SPRED2: variants seen among roughly 807,000 people sequenced by gnomAD.
SPRED2 encodes sprouty related EVH1 domain containing 2.
A neutral mutation model predicts 43.0 loss-of-function variants in SPRED2; 47 were observed. The ratio of observed to expected loss-of-function variants is 1.09; its 90% CI spans 0.87 to 1.40. The LOEUF (loss-of-function observed/expected upper bound fraction) is 1.40, where lower values mean the gene tolerates loss of function less well. SPRED2 is among the 40% of genes most tolerant of loss of function. SPRED2 has a pLI of 0.00. For missense variants in SPRED2, 561 were observed against 586.4 expected (o/e 0.96, Z 0.45); for synonymous variants, 225 against 225.7 (o/e 1.00, Z 0.03).
At chr2:65,308,298 C>T (rs1672982950), downstream of SPRED2, 30 of 985,440 alleles carry the variant, frequency 3.0e-5, no homozygotes, top group Non-Finnish European at 3.6e-5. Context: ...CAAAACCGCT[C>T]CCACAGAGGC....
At chr2:65,354,329 T>C (rs1674587252) in intron 1 of SPRED2, among the ~76,000 whole-genome samples, 1 of 152,222 alleles carries the variant, frequency 6.6e-6, no homozygotes. Context: ...ACCCACGGCA[T>C]TAGCAATGCC....
chr2:65,404,297 C>A (rs1386987596), intron 1 of SPRED2, among the ~76,000 whole-genome samples: 1 of 151,962 alleles, frequency 6.6e-6, no homozygotes, highest in Non-Finnish European at 1.5e-5. Context: ...AGGCAGGCAA[C>A]CATGTTAAAT....
intron 1 of SPRED2, among the ~76,000 whole-genome samples, chr2:65,398,217 CATCTT>C (rs1675802509): frequency 1.3e-5 from 2 of 152,218 alleles, no homozygotes; most frequent in Admixed American, 1.3e-4. Context: ...CCTCATCTCT[CATCTT>C]ATACAAAAAT....
chr2:65,378,346 A>G (rs1181827543), intron 1 of SPRED2, among the ~76,000 whole-genome samples: 2 of 152,206 alleles, frequency 1.3e-5, no homozygotes, highest in African/African-American at 4.8e-5. Flanking sequence ...TCTTGTTTTA[A>G]AGTCCTTATC....
At chr2:65,359,284 C>G (rs1013214604) in intron 1 of SPRED2, among the ~76,000 whole-genome samples, 1 of 152,178 alleles carries the variant, frequency 6.6e-6, no homozygotes, top group Non-Finnish European at 1.5e-5. Flanking sequence ...ATGTTACTTT[C>G]CTGACATAAA....
chr2:65,322,292 A>ATTT (rs1490204181), intron 4 of SPRED2, among the ~76,000 whole-genome samples: 953 of 70,778 alleles, frequency 0.013, 74 homozygotes, highest in Non-Finnish European at 0.016. Context: ...ATATATATAT[A>ATTT]TATTTTTTTT....
At chr2:65,416,196 T>C (rs973911192) in intron 1 of SPRED2, among the ~76,000 whole-genome samples, 4 of 152,244 alleles carry the variant, frequency 2.6e-5, no homozygotes, top group African/African-American at 9.6e-5. Context: ...TCAATCGGTC[T>C]ACGGATGAGA....
chr2:65,331,892 C>A, intron 4 of SPRED2, 95 bp downstream of exon 4: 1 of 905,866 alleles, frequency 1.1e-6, no homozygotes, highest in South Asian at 1.6e-5. Context: ...CAACAGCAAA[C>A]ACTGCATTGC....
chr2:65,336,359 C>G (rs1162148835), intron 2 of SPRED2, among the ~76,000 whole-genome samples: 1 of 151,686 alleles, frequency 6.6e-6, no homozygotes, highest in South Asian at 2.1e-4. Context: ...TCTGTCTCAA[C>G]AAAAGGAAAA....
Position 65,334,717 on chromosome 2 carries a change from C to T in SPRED2, c.261G>A (p.Thr87=), listed in dbSNP as rs182454530. 47 of 1,614,208 alleles carry T rather than the reference C, an allele frequency of 2.9e-5. No individual in the cohort carries two copies. The East Asian group carries it at 4.5e-4, about 15-fold the overall frequency. The change falls in exon 3 of 6, where the codon ACG becomes ACA. Residue 87 remains threonine, a synonymous_variant. Transcript: ENST00000356388. ...TATTATCGACCTTCCAGTGATGAAA[C>T]GTTGGATTGGCTTTGGTGTAGACCA... The part of the protein sequence containing the change: ...KDLVYTKANP[T]FHHWKVDNRK...
intron 1 of SPRED2, among the ~76,000 whole-genome samples, chr2:65,387,067 T>C (rs1675519362): frequency 6.6e-6 from 1 of 151,876 alleles, no homozygotes; most frequent in African/African-American, 2.4e-5. Context: ...CCTAAATGTC[T>C]AAAACCCCAA....
At chr2:65,384,287 C>G (rs1675441793) in intron 1 of SPRED2, among the ~76,000 whole-genome samples, 1 of 152,050 alleles carries the variant, frequency 6.6e-6, no homozygotes, top group African/African-American at 2.4e-5. Flanking sequence ...TTTCTCCCAA[C>G]CCTGTCAGCA....
intron 1 of SPRED2, among the ~76,000 whole-genome samples, chr2:65,359,756 C>T (rs1490300165): frequency 3.3e-5 from 5 of 151,920 alleles, no homozygotes; most frequent in East Asian, 1.9e-4. Context: ...GGTGAAGCCC[C>T]GTCTCTACCA....
rs1558666423 is a variant in SPRED2, at chr2:65,356,530, TTCCCTC to T, written c.27-11640_27-11635del. Among the ~76,000 whole-genome samples, 48 of 101,056 alleles carry T rather than the reference TTCCCTC, an allele frequency of 4.7e-4. 1 individual carries two copies. In the South Asian group the frequency reaches 0.014, roughly 29 times the overall value. The allele number at this position is 101,056 out of a possible 152,430, so 66.3% of individuals were successfully genotyped here. ...TGCTATTTAGAGTGCAGTTCCCCAG[TTCCCTC>T]TTTTTTTTTTTTTTTTTTTTTTGTG... On this transcript the variant is annotated intron_variant, in intron 1 of 5. Transcript: ENST00000356388.
At chr2:65,360,638 AC>A (rs1674788190) in intron 1 of SPRED2, among the ~76,000 whole-genome samples, 1 of 152,214 alleles carries the variant, frequency 6.6e-6, no homozygotes, top group African/African-American at 2.4e-5. Context: ...AGTCCTAGAA[AC>A]AAAAAGGAGA....
intron 1 of SPRED2, among the ~76,000 whole-genome samples, chr2:65,420,687 A>T (rs960157560): frequency 6.6e-5 from 10 of 152,328 alleles, no homozygotes; most frequent in Admixed American, 5.9e-4. Flanking sequence ...AATAGTCTTG[A>T]CATTCATTTC....
intron 1 of SPRED2, among the ~76,000 whole-genome samples, chr2:65,374,735 G>C (rs1441707505): frequency 6.6e-6 from 1 of 152,246 alleles, no homozygotes; most frequent in Non-Finnish European, 1.5e-5. Flanking sequence ...GGCCAGTGAA[G>C]GTGAGTCAGG....
chr2:65,330,515 G>A (rs932185771), intron 4 of SPRED2, among the ~76,000 whole-genome samples: 1 of 151,874 alleles, frequency 6.6e-6, no homozygotes, highest in Admixed American at 6.6e-5. Context: ...CAGCAAAACC[G>A]AGTGGAAAGT....
At chr2:65,308,185 C>G, downstream of SPRED2, 3 of 550,830 alleles carry the variant, frequency 5.4e-6, no homozygotes, top group Non-Finnish European at 6.9e-6. Flanking sequence ...GGAGGCGACC[C>G]CAAAGGCCAG....
Sources: gnomAD v4.1 joint callset for allele counts (sites outside exome capture counted in the v4.1 genomes callset) on GRCh38, gnomAD v4.1.1 for gene constraint, MANE v1.5 for transcripts, NCBI Gene and HGNC (gene_info 2026-07-23, HGNC 2026-07-21) for gene names.